Variants in PCLO observed in about 807,000 individuals in gnomAD.
The protein encoded by PCLO is piccolo presynaptic cytomatrix protein.
A neutral mutation model predicts 427.5 loss-of-function variants in PCLO; 82 were observed. The ratio of observed to expected loss-of-function variants is 0.19; its 90% CI spans 0.16 to 0.23. PCLO has a LOEUF of 0.23. Among genes scored for constraint, PCLO ranks in the 10% least tolerant of loss-of-function variants. PCLO has a pLI of 1.00. For missense variants in PCLO, 6,239 were observed against 6,115.9 expected, an observed-to-expected ratio of 1.02 and a Z score of -0.67; for synonymous variants, 2,357 against 2,155.4, an observed-to-expected ratio of 1.09 and a Z score of -2.59.
chr7:82,956,587 A>G lies in PCLO; in HGVS notation c.4366T>C (p.Ser1456Pro). The G allele has an allele frequency of 6.2e-7, 1 of 1,613,400 alleles. No homozygotes were observed. The highest frequency in any genetic ancestry group is 8.5e-7 in the Non-Finnish European group (1 of 1,179,730). The change falls in exon 5 of 25, where the codon TCT (serine) becomes CCT (proline). Residue 1456 changes from serine to proline, a missense_variant. Physicochemically the swap from Ser to Pro is moderately conservative, Grantham distance 74. Coordinates refer to ENST00000333891, the MANE Select transcript of PCLO (RefSeq NM_033026.6). ...PKDQEKTQSLSETLEITISEE... is the reference protein window; with the variant it reads ...PKDQEKTQSLPETLEITISEE... Reference sequence around the variant, plus strand: ...GAAATAGTAATTTCCAAGGTTTCAGATAAACTCTGAGTTTTCTCTTGGTCT... The same window carrying G: ...GAAATAGTAATTTCCAAGGTTTCAGGTAAACTCTGAGTTTTCTCTTGGTCT...
chr7:82,973,671 T>A (rs182182470), intron 3 of PCLO, among the ~76,000 whole-genome samples: 260 of 152,156 alleles, frequency 1.7e-3, no homozygotes, highest in Middle Eastern at 3.4e-3. Flanking sequence ...AGTCTCTTTG[T>A]TTCCCTCATT....
chr7:82,771,448 C>T (rs1289958971), intron 22 of PCLO, among the ~76,000 whole-genome samples: 1 of 151,648 alleles, frequency 6.6e-6, no homozygotes, highest in Non-Finnish European at 1.5e-5. Flanking sequence ...TATAATTTTC[C>T]ACTCTCTCAT....
intron 20 of PCLO, among the ~76,000 whole-genome samples, chr7:82,815,012 G>C (rs77565351): frequency 2.6e-5 from 4 of 151,732 alleles, no homozygotes; most frequent in African/African-American, 9.7e-5. Context: ...TTTTAATTTT[G>C]TGTTTTGTAC....
chr7:82,964,485 G>A (rs1183176369), intron 4 of PCLO, among the ~76,000 whole-genome samples: 1 of 151,998 alleles, frequency 6.6e-6, no homozygotes, highest in African/African-American at 2.4e-5. Context: ...TGTTCATGTA[G>A]CTCCCATAGG....
intron 3 of PCLO, among the ~76,000 whole-genome samples, chr7:82,968,423 A>G (rs760136074): frequency 1.3e-5 from 2 of 152,170 alleles, no homozygotes; most frequent in Non-Finnish European, 2.9e-5. Context: ...AACTTCCATA[A>G]TACCTACAGA....
chr7:82,828,114 G>C, intron 16 of PCLO, 148 bp from the exon 17 acceptor site: 2 of 593,586 alleles, frequency 3.4e-6, no homozygotes, highest in Admixed American at 3.4e-5. Context: ...TTAAACCTTA[G>C]TTTAAGTTGA....
chr7:83,007,735 G>A (rs1787983809), intron 3 of PCLO, among the ~76,000 whole-genome samples: 1 of 151,436 alleles, frequency 6.6e-6, no homozygotes, highest in African/African-American at 2.4e-5. Flanking sequence ...CATCACTTAT[G>A]GTTATGAAAT....
chr7:83,130,739 C>T (rs1005758457), intron 3 of PCLO, among the ~76,000 whole-genome samples: 1 of 152,028 alleles, frequency 6.6e-6, no homozygotes, highest in African/African-American at 2.4e-5. Context: ...ATGTGGAAGC[C>T]ACCCAGGCAG....
At chr7:82,994,694 T>A (rs1186499469) in intron 3 of PCLO, among the ~76,000 whole-genome samples, 1 of 151,814 alleles carries the variant, frequency 6.6e-6, no homozygotes, top group East Asian at 1.9e-4. Flanking sequence ...TCATGGGAAA[T>A]GGGATTATCC....
At chr7:82,785,144 A>C (rs1790958574) in intron 22 of PCLO, among the ~76,000 whole-genome samples, 1 of 152,096 alleles carries the variant, frequency 6.6e-6, no homozygotes, top group Non-Finnish European at 1.5e-5. Context: ...GGCAGTAGAG[A>C]CTGGTTTTGT....
chr7:83,057,289 A>G lies in PCLO; in HGVS notation c.3300+76961T>C, dbSNP rs1445001739. Among the ~76,000 whole-genome samples the G allele has an allele frequency of 7.1e-5, 9 of 126,798 alleles. No individual in the cohort carries two copies. In the East Asian group the frequency reaches 2.2e-3, roughly 31 times the overall value. The allele number at this position is 126,798 out of a possible 152,430, so 83.2% of individuals were successfully genotyped here. ...TTGAACTCTTGACCTCAAATGATCC[A>G]TCTGAAGGAAAATAATCATTATATA... On this transcript the variant is annotated intron_variant, in intron 3 of 24. Transcript: ENST00000333891.
At chr7:82,979,267 A>T (rs1442705694) in intron 3 of PCLO, among the ~76,000 whole-genome samples, 1 of 152,180 alleles carries the variant, frequency 6.6e-6, no homozygotes, top group Non-Finnish European at 1.5e-5. Flanking sequence ...CATGGTAAAA[A>T]TTTGAAAAAT....
intron 3 of PCLO, among the ~76,000 whole-genome samples, chr7:83,048,025 G>T (rs190193370): frequency 2.2e-4 from 33 of 152,126 alleles, no homozygotes; most frequent in Non-Finnish European, 2.6e-4. Flanking sequence ...GAGTTTCAAT[G>T]AACTTTTTTT....
At chr7:82,781,146 T>A (rs892944701) in intron 22 of PCLO, among the ~76,000 whole-genome samples, 2 of 151,792 alleles carry the variant, frequency 1.3e-5, no homozygotes, top group Non-Finnish European at 2.9e-5. Flanking sequence ...ATTTAAAAAA[T>A]TTTTCATTTA....
At chr7:83,125,066 C>T (rs187726632) in intron 3 of PCLO, among the ~76,000 whole-genome samples, 2 of 152,234 alleles carry the variant, frequency 1.3e-5, no homozygotes, top group Non-Finnish European at 2.9e-5. Context: ...CTCAATGTTG[C>T]CCAGGCTGGA....
At chr7:83,077,290 A>C (rs1789979766) in intron 3 of PCLO, among the ~76,000 whole-genome samples, 1 of 152,110 alleles carries the variant, frequency 6.6e-6, no homozygotes, top group Non-Finnish European at 1.5e-5. Context: ...TGTGACAAAC[A>C]GGTCCAGAGA....
intron 3 of PCLO, among the ~76,000 whole-genome samples, chr7:83,077,571 A>C (rs1482950362): frequency 6.6e-6 from 1 of 152,110 alleles, no homozygotes; most frequent in East Asian, 1.9e-4. Context: ...GAATAACTCT[A>C]ACCACAAATA....
intron 22 of PCLO, among the ~76,000 whole-genome samples, chr7:82,780,455 C>A (rs1790848593): frequency 6.6e-6 from 1 of 152,180 alleles, no homozygotes; most frequent in African/African-American, 2.4e-5. Context: ...ACCACTCTCT[C>A]CCAAGATGCC....
chr7:83,023,115 C>A (rs1169360343), intron 3 of PCLO, among the ~76,000 whole-genome samples: 1 of 152,004 alleles, frequency 6.6e-6, no homozygotes, highest in African/African-American at 2.4e-5. Flanking sequence ...TTTTGACCTG[C>A]AAAATTTGTC....
Sources: gnomAD v4.1 joint callset for allele counts (sites outside exome capture counted in the v4.1 genomes callset) on GRCh38, gnomAD v4.1.1 for gene constraint, MANE v1.5 for transcripts, NCBI Gene and HGNC (gene_info 2026-07-23, HGNC 2026-07-21) for gene names.